Variants in MTA3 observed in about 807,000 individuals in gnomAD.
The protein encoded by MTA3 is metastasis-associated protein MTA3.
A neutral mutation model predicts 83.5 loss-of-function variants in MTA3; 34 were observed. That is an observed-to-expected ratio of 0.41 (90% confidence interval 0.31 to 0.54). MTA3 has a LOEUF of 0.54. Ranked by LOEUF, MTA3 falls within the 20% of genes least tolerant of loss-of-function variation. The probability of loss-of-function intolerance (pLI) is 0.33; values close to 1 mark genes in which losing one functional copy is unlikely to be tolerated. For missense variants in MTA3, 761 were observed against 726.4 expected (o/e 1.05, Z -0.55); for synonymous variants, 303 against 252.7 (o/e 1.20, Z -1.89).
chr2:42,585,758 G>A (rs1680205260), intron 3 of MTA3, among the ~76,000 whole-genome samples: 1 of 151,968 alleles, frequency 6.6e-6, no homozygotes, highest in Non-Finnish European at 1.5e-5. Context: ...AGAGGCATGA[G>A]CCACTTTGCG....
At chr2:42,555,179 G>A (rs938000303) in intron 2 of MTA3, among the ~76,000 whole-genome samples, 3 of 151,870 alleles carry the variant, frequency 2.0e-5, no homozygotes, top group Non-Finnish European at 4.4e-5. Flanking sequence ...TTTGAGAAAA[G>A]GAGGCCGGAC....
intron 12 of MTA3, among the ~76,000 whole-genome samples, chr2:42,706,197 G>A (rs1351124117): frequency 6.6e-6 from 1 of 152,046 alleles, no homozygotes; most frequent in Non-Finnish European, 1.5e-5. Flanking sequence ...AATGGGTGCA[G>A]CACCCCAGCA....
chr2:42,520,780 G>A (rs534295648), intron 2 of MTA3, among the ~76,000 whole-genome samples: 1 of 151,914 alleles, frequency 6.6e-6, no homozygotes. Context: ...TGCCCGGGCT[G>A]GTCTCGAACT....
intron 4 of MTA3, among the ~76,000 whole-genome samples, chr2:42,617,606 A>G (rs1479429133): frequency 6.6e-6 from 1 of 151,878 alleles, no homozygotes; most frequent in East Asian, 1.9e-4. Flanking sequence ...GTGAAACCCC[A>G]TCTCTACTAA....
chr2:42,495,699 G>A (rs886300225), intron 2 of MTA3, among the ~76,000 whole-genome samples: 1 of 152,110 alleles, frequency 6.6e-6, no homozygotes, highest in Non-Finnish European at 1.5e-5. Flanking sequence ...CATTTAAATT[G>A]GATCCCATAA....
Position 42,644,258 on chromosome 2 carries a change from C to G in MTA3, c.499+14C>G. ...TGCTGTTAGAAGGTACGTTTTTCTGCGTGTTTGCAGTTTTGTGAAACAAAT... is the reference window on the plus strand; with the variant it reads ...TGCTGTTAGAAGGTACGTTTTTCTGGGTGTTTGCAGTTTTGTGAAACAAAT... On this transcript the variant is annotated intron_variant, in intron 6 of 16. Transcript: ENST00000405094. The G allele has an allele frequency of 6.4e-7, 1 of 1,553,366 alleles. No individual in the cohort carries two copies.
intron 9 of MTA3, among the ~76,000 whole-genome samples, chr2:42,687,740 G>A (rs1692518739): frequency 6.6e-6 from 1 of 152,148 alleles, no homozygotes; most frequent in Non-Finnish European, 1.5e-5. Flanking sequence ...TCTAGTGCAG[G>A]ATTTGGAGAG....
intron 2 of MTA3, among the ~76,000 whole-genome samples, chr2:42,544,553 C>T (rs7564498): frequency 0.41 from 50,602 of 123,160 alleles, 8,680 homozygotes; most frequent in South Asian, 0.46. Flanking sequence ...TTTTTTTTTT[C>T]TTTGAGACAG....
intron 2 of MTA3, among the ~76,000 whole-genome samples, chr2:42,524,826 C>T (rs866302054): frequency 1.1e-4 from 12 of 110,680 alleles, no homozygotes; most frequent in Non-Finnish European, 1.8e-4. Context: ...TATCTAGCAT[C>T]CAAAAAAAAA....
At chr2:42,670,587 G>A (rs1015674751) in intron 8 of MTA3, among the ~76,000 whole-genome samples, 12 of 152,070 alleles carry the variant, frequency 7.9e-5, no homozygotes, top group African/African-American at 2.9e-4. Context: ...CCTTAAAATA[G>A]AGAGGACTTC....
At chr2:42,522,423 A>G (rs538957164) in intron 2 of MTA3, among the ~76,000 whole-genome samples, 5 of 152,290 alleles carry the variant, frequency 3.3e-5, no homozygotes, top group Non-Finnish European at 5.9e-5. Context: ...TCAGGAAGGA[A>G]TATGATCAGC....
chr2:42,711,069 C>T (rs539029794), intron 14 of MTA3, among the ~76,000 whole-genome samples: 22 of 150,232 alleles, frequency 1.5e-4, no homozygotes, highest in Non-Finnish European at 2.5e-4. Flanking sequence ...ACACAGACTC[C>T]GCATTAAAAA....
chr2:42,702,975 G>C (rs373388990), intron 11 of MTA3: 1 of 152,356 alleles, frequency 6.6e-6, no homozygotes, highest in Admixed American at 6.5e-5. Flanking sequence ...CTCCCCAAAA[G>C]AAAGGGTCTC....
intron 2 of MTA3, among the ~76,000 whole-genome samples, chr2:42,573,456 C>G (rs1448973326): frequency 6.6e-6 from 1 of 152,144 alleles, no homozygotes. Context: ...AAGCAGTCCT[C>G]CTGCCTCAGC....
intron 9 of MTA3, among the ~76,000 whole-genome samples, chr2:42,689,302 T>C (rs1692669676): frequency 6.6e-6 from 1 of 152,226 alleles, no homozygotes; most frequent in Non-Finnish European, 1.5e-5. Context: ...AACTAAGACT[T>C]AATATACATT....
At chr2:42,588,786 T>C (rs575331110) in intron 3 of MTA3, among the ~76,000 whole-genome samples, 12 of 132,286 alleles carry the variant, frequency 9.1e-5, no homozygotes, top group Non-Finnish European at 1.7e-4. Context: ...TGTATGCATG[T>C]ATACACATGT....
At chr2:42,729,396 C>T (rs970492639) in intron 16 of MTA3, among the ~76,000 whole-genome samples, 4 of 152,090 alleles carry the variant, frequency 2.6e-5, no homozygotes, top group African/African-American at 9.7e-5. Flanking sequence ...CCACTGCGCC[C>T]AGCCCAGAGT....
At chr2:42,525,625 A>C (rs66753098) in intron 2 of MTA3, among the ~76,000 whole-genome samples, 45,987 of 108,746 alleles carry the variant, frequency 0.42, 7,878 homozygotes, top group African/African-American at 0.49. Flanking sequence ...CTTCCTTCCT[A>C]CTTTCTTTCT....
At chr2:42,578,307 C>A (rs1679266283) in intron 2 of MTA3, among the ~76,000 whole-genome samples, 1 of 152,248 alleles carries the variant, frequency 6.6e-6, no homozygotes, top group Admixed American at 6.5e-5. Flanking sequence ...AATAGGAGAG[C>A]AGGAGCCTGG....
Sources: gnomAD v4.1 joint callset for allele counts (sites outside exome capture counted in the v4.1 genomes callset) on GRCh38, gnomAD v4.1.1 for gene constraint, MANE v1.5 for transcripts, NCBI Gene and HGNC (gene_info 2026-07-23, HGNC 2026-07-21) for gene names.